The following OTUD7A variants were observed in gnomAD, a reference collection of about 807,000 sequenced individuals.
OTUD7A encodes the protein OTU domain-containing protein 7A.
OTUD7A carries 12 observed loss-of-function variants against 65.7 expected under a neutral mutation model. That is an observed-to-expected ratio of 0.18 (90% CI 0.12 to 0.30). The LOEUF is 0.30. OTUD7A is among the 10% of genes least tolerant of loss of function. OTUD7A has a pLI of 1.00. For synonymous variants in OTUD7A, 641 were observed against 586.3 expected, an observed-to-expected ratio of 1.09 and a Z score of -1.35; for missense variants, 1,148 against 1,304.8, an observed-to-expected ratio of 0.88 and a Z score of 1.85.
rs1011194189 is a variant in OTUD7A, at chr15:31,483,926, G to C, written c.2170C>G (p.Leu724Val). 26 of 1,087,664 alleles carry C rather than the reference G, an allele frequency of 2.4e-5. No individual in the cohort carries two copies. The African/African-American group carries it at 3.7e-4, about 16-fold the overall frequency. 67.4% of individuals were successfully genotyped at this position (1,087,664 alleles called of 1,614,324 possible). A position where few individuals can be genotyped will look rare whatever the true frequency, so the allele number is the denominator to read the frequency against. ...ERASPGPPTQ[L>V]VLKLKERPSP... ...GGCCGCTCCTTGAGCTTGAGCACCA[G>C]CTGCGTGGGTGGGCCCGGAGAGGCG... Residue 724 changes from leucine to valine, a missense_variant, in exon 13 of 13, where the codon CTG becomes GTG. This residue lies in a region of OTUD7A where 842 missense variants were observed against 769.5 expected (regional missense o/e 1.09). Transcript: ENST00000307050.
chr15:31,794,125 T>G, intron 1 of OTUD7A, among the ~76,000 whole-genome samples: 1 of 152,214 alleles, frequency 6.6e-6, no homozygotes, highest in East Asian at 1.9e-4. Context: ...GGCTCTAGGT[T>G]CATTTTTCTC....
chr15:31,559,394 T>C (rs1419629019), intron 4 of OTUD7A, among the ~76,000 whole-genome samples: 1 of 152,114 alleles, frequency 6.6e-6, no homozygotes, highest in Admixed American at 6.5e-5. Context: ...CACACATATA[T>C]ACTACATGGC....
At chr15:31,816,174 G>A (rs1896544454) in intron 1 of OTUD7A, among the ~76,000 whole-genome samples, 1 of 151,738 alleles carries the variant, frequency 6.6e-6, no homozygotes, top group South Asian at 2.1e-4. Flanking sequence ...AGTGTGCCCT[G>A]GAATGCTTTT....
chr15:31,753,390 T>G (rs769408112), intron 1 of OTUD7A, among the ~76,000 whole-genome samples: 2 of 152,022 alleles, frequency 1.3e-5, no homozygotes, highest in Non-Finnish European at 2.9e-5. Flanking sequence ...GAGATTTTGG[T>G]GCACCCATCA....
At chr15:31,654,985 C>A (rs1199906217) in intron 3 of OTUD7A, 111 bp downstream of exon 3, 20 of 1,341,348 alleles carry the variant, frequency 1.5e-5, no homozygotes, top group Non-Finnish European at 1.6e-5. Context: ...TAACACAAAG[C>A]AAAGCCCACT....
intron 1 of OTUD7A, among the ~76,000 whole-genome samples, chr15:31,803,652 A>G (rs778984302): frequency 6.6e-6 from 1 of 152,176 alleles, no homozygotes; most frequent in African/African-American, 2.4e-5. Flanking sequence ...TCTTTTCATT[A>G]TGACTCGGAA....
chr15:31,619,872 T>C (rs1890721399), intron 3 of OTUD7A, among the ~76,000 whole-genome samples: 1 of 152,232 alleles, frequency 6.6e-6, no homozygotes, highest in East Asian at 1.9e-4. Flanking sequence ...CTTCCAGTTT[T>C]TGCCCATTCA....
In OTUD7A at chr15:31,753,721, T is replaced by A. The variant is rs61349614; in HGVS notation, c.-99-96644A>T. 6.6e-3 allele frequency among the ~76,000 whole-genome samples: 701 copies of A among 106,628 alleles called. 16 individuals carry two copies. The highest frequency in any genetic ancestry group is 0.027 in the African/African-American group (546 of 19,980). The allele number at this position is 106,628 out of a possible 152,430, so 70.0% of individuals were successfully genotyped here. Reference sequence around the variant, plus strand: ...TATATATTATATATATATATATATATTATATATATATATATATATCTCACA... The same window carrying A: ...TATATATTATATATATATATATATAATATATATATATATATATATCTCACA... On this transcript the variant is annotated intron_variant, in intron 1 of 12. Coordinates refer to ENST00000307050, the MANE Select transcript of OTUD7A (RefSeq NM_001382637.1).
chr15:31,781,308 G>C (rs759699632), intron 1 of OTUD7A, among the ~76,000 whole-genome samples: 3 of 152,158 alleles, frequency 2.0e-5, no homozygotes, highest in Non-Finnish European at 2.9e-5. Flanking sequence ...CAAGCCACGT[G>C]TAGAGGCCAC....
chr15:31,652,684 G>A (rs568532064), intron 3 of OTUD7A, among the ~76,000 whole-genome samples: 1 of 149,156 alleles, frequency 6.7e-6, no homozygotes, highest in African/African-American at 2.4e-5. Context: ...GACATTTCAC[G>A]AAAGAGAATA....
intron 1 of OTUD7A, among the ~76,000 whole-genome samples, chr15:31,829,995 C>A (rs1327007788): frequency 1.3e-5 from 2 of 152,152 alleles, no homozygotes; most frequent in African/African-American, 4.8e-5. Flanking sequence ...GGGGCATTCA[C>A]CCTTCCTCTG....
At chr15:31,566,139 C>T (rs904861763) in intron 4 of OTUD7A, among the ~76,000 whole-genome samples, 17 of 150,050 alleles carry the variant, frequency 1.1e-4, no homozygotes, top group East Asian at 3.9e-4. Flanking sequence ...TGCAGTGAGC[C>T]GAGATTGCGC....
At chr15:31,813,397 T>C (rs1023145121) in intron 1 of OTUD7A, among the ~76,000 whole-genome samples, 2 of 152,234 alleles carry the variant, frequency 1.3e-5, no homozygotes, top group East Asian at 1.9e-4. Context: ...GATGATTTAC[T>C]GCATGACACA....
Position 31,753,615 on chromosome 15 carries a change from G to T in OTUD7A, c.-99-96538C>A, listed in dbSNP as rs550805703. 6.2e-3 allele frequency among the ~76,000 whole-genome samples: 917 copies of T among 148,322 alleles called. 11 individuals are homozygous for T. The highest frequency in any genetic ancestry group is 0.02 in the African/African-American group (816 of 40,338). The stretch of plus-strand genomic sequence containing the variant: ...GGTCTCCAATCTCATCCAGGTTGCT[G>T]CAAATGCCATTAATTCATTCCTTTT... On this transcript the variant is annotated intron_variant, in intron 1 of 12. Transcript: ENST00000307050.
chr15:31,753,707 T>TGTGATATATAACCTGTG (rs1894717851), intron 1 of OTUD7A, among the ~76,000 whole-genome samples: 1 of 75,358 alleles, frequency 1.3e-5, no homozygotes, highest in African/African-American at 6.6e-5. Context: ...ATATATTATA[T>TGTGATATATAACCTGTG]ATATATATAT....
chr15:31,736,285 G>A (rs983478029), intron 1 of OTUD7A, among the ~76,000 whole-genome samples: 2 of 152,168 alleles, frequency 1.3e-5, no homozygotes, highest in African/African-American at 4.8e-5. Flanking sequence ...AGCAATGGGT[G>A]AGGGTAACTC....
chr15:31,540,085 G>A (rs549744579), intron 5 of OTUD7A, among the ~76,000 whole-genome samples: 2 of 152,284 alleles, frequency 1.3e-5, no homozygotes, highest in South Asian at 4.1e-4. Flanking sequence ...TTTTTCCGCT[G>A]TTTCAATAGA....
intron 1 of OTUD7A, among the ~76,000 whole-genome samples, chr15:31,850,933 C>T (rs140847075): frequency 6.6e-6 from 1 of 152,282 alleles, no homozygotes; most frequent in Non-Finnish European, 1.5e-5. Flanking sequence ...TAAGAGCCAA[C>T]AGACACAGAA....
chr15:31,649,176 C>T (rs1353446110), intron 3 of OTUD7A, among the ~76,000 whole-genome samples: 1 of 152,254 alleles, frequency 6.6e-6, no homozygotes, highest in Non-Finnish European at 1.5e-5. Flanking sequence ...CTTTCTCTTA[C>T]TGCAGTCTTG....
Sources: gnomAD v4.1 joint callset for allele counts (sites outside exome capture counted in the v4.1 genomes callset) on GRCh38, gnomAD v4.1.1 for gene constraint, gnomAD v4.1.1 regional missense constraint, MANE v1.5 for transcripts, NCBI Gene and HGNC (gene_info 2026-07-23, HGNC 2026-07-21) for gene names.